Variants in DIS3L2 observed in about 807,000 individuals in gnomAD.
DIS3L2 encodes the protein DIS3 like 3'-5' exoribonuclease 2.
A neutral mutation model predicts 97.5 loss-of-function variants in DIS3L2; 34 were observed. The ratio of observed to expected loss-of-function variants is 0.35; its 90% CI spans 0.27 to 0.46. The LOEUF (loss-of-function observed/expected upper bound fraction) is 0.46. DIS3L2 is among the 20% of genes least tolerant of loss of function. DIS3L2 has a pLI of 1.00. For missense variants in DIS3L2, 1,038 were observed against 1,146.0 expected (o/e 0.91, Z 1.36); for synonymous variants, 435 against 445.2 (o/e 0.98, Z 0.29).
At chr2:232,232,883 C>T (rs764327210) in intron 10 of DIS3L2, among the ~76,000 whole-genome samples, 7 of 152,054 alleles carry the variant, frequency 4.6e-5, no homozygotes, top group Non-Finnish European at 8.8e-5. Context: ...GGGCAGAGCA[C>T]GGAGGCTTGG....
At chr2:232,075,791 A>G (rs1367358418) in intron 5 of DIS3L2, among the ~76,000 whole-genome samples, 1 of 152,188 alleles carries the variant, frequency 6.6e-6, no homozygotes, top group Non-Finnish European at 1.5e-5. Context: ...TTCAGGATGT[A>G]AAGGCTCCCA....
At chr2:232,094,354 T>C (rs1000963849) in intron 6 of DIS3L2, among the ~76,000 whole-genome samples, 2 of 152,198 alleles carry the variant, frequency 1.3e-5, no homozygotes, top group Non-Finnish European at 1.5e-5. Context: ...TAATGCAGAT[T>C]AAGCCAGCTC....
chr2:231,973,202 T>C (rs566565229), intron 1 of DIS3L2, among the ~76,000 whole-genome samples: 9 of 152,330 alleles, frequency 5.9e-5, no homozygotes, highest in Admixed American at 5.9e-4. Context: ...TTTTGCCATA[T>C]AAGGCTATTA....
At chr2:232,043,958 T>G (rs1338672221) in intron 5 of DIS3L2, among the ~76,000 whole-genome samples, 1 of 152,214 alleles carries the variant, frequency 6.6e-6, no homozygotes, top group African/African-American at 2.4e-5. Flanking sequence ...AGCTGTCTTA[T>G]GAATTTAGGC....
At chr2:232,184,792 G>A (rs1440802554) in intron 9 of DIS3L2, among the ~76,000 whole-genome samples, 1 of 152,208 alleles carries the variant, frequency 6.6e-6, no homozygotes, top group East Asian at 1.9e-4. Flanking sequence ...TTGATAATAG[G>A]AAAAGAGGAA....
chr2:232,066,400 G>A (rs1695858335), intron 5 of DIS3L2, among the ~76,000 whole-genome samples: 1 of 151,858 alleles, frequency 6.6e-6, no homozygotes, highest in African/African-American at 2.4e-5. Flanking sequence ...TCTTTTTCCT[G>A]TTAACATGTT....
intron 13 of DIS3L2, chr2:232,343,200 T>A (rs1696152179): frequency 1.4e-6 from 1 of 712,100 alleles, no homozygotes; most frequent in Non-Finnish European, 2.4e-6. Context: ...AAGAGGCTAT[T>A]TCCTGTCACA....
At chr2:232,111,214 C>CAG (rs1559640220) in intron 6 of DIS3L2, 1 of 471,130 alleles carries the variant, frequency 2.1e-6, no homozygotes, top group Non-Finnish European at 4.4e-6. Flanking sequence ...AATTGAGGCT[C>CAG]AGAGAAGTTC....
intron 1 of DIS3L2, among the ~76,000 whole-genome samples, chr2:231,984,251 T>G (rs72985660): frequency 0.018 from 2,786 of 152,138 alleles, 31 homozygotes; most frequent in Non-Finnish European, 0.021. Flanking sequence ...GTTGCTAATT[T>G]TTGTTTAAAC....
intron 12 of DIS3L2, among the ~76,000 whole-genome samples, chr2:232,259,690 C>T (rs115268521): frequency 0.019 from 2,967 of 152,252 alleles, 99 homozygotes; most frequent in African/African-American, 0.068. Flanking sequence ...GCAACTTCGG[C>T]TCGCTGCAAC....
At chr2:232,315,469 G>A (rs1695246164) in intron 14 of DIS3L2, among the ~76,000 whole-genome samples, 1 of 152,254 alleles carries the variant, frequency 6.6e-6, no homozygotes, top group Non-Finnish European at 1.5e-5. Flanking sequence ...GTAACCAGAT[G>A]TGCTTGGCTC....
downstream of DIS3L2, among the ~76,000 whole-genome samples, chr2:232,342,134 CACATAT>C (rs1335199603): frequency 2.0e-5 from 3 of 151,790 alleles, no homozygotes; most frequent in Non-Finnish European, 4.4e-5. Flanking sequence ...TATATATATA[CACATAT>C]ACATATATAC....
chr2:232,296,135 C>T (rs1694720842), intron 13 of DIS3L2, among the ~76,000 whole-genome samples: 1 of 152,190 alleles, frequency 6.6e-6, no homozygotes, highest in Non-Finnish European at 1.5e-5. Flanking sequence ...TTCTCCCAAA[C>T]CTGTTTTTCT....
At chr2:232,102,600 A>C (rs543906933) in intron 6 of DIS3L2, among the ~76,000 whole-genome samples, 1 of 152,254 alleles carries the variant, frequency 6.6e-6, no homozygotes, top group Non-Finnish European at 1.5e-5. Context: ...ACACACGTGC[A>C]TATACAAATC....
chr2:232,266,223 A>G (rs1279771484), intron 13 of DIS3L2, among the ~76,000 whole-genome samples: 1 of 152,226 alleles, frequency 6.6e-6, no homozygotes, highest in Non-Finnish European at 1.5e-5. Context: ...CAGATTATTG[A>G]TAGATAAAGA....
At chr2:232,303,743 C>G (rs560716037) in intron 14 of DIS3L2, among the ~76,000 whole-genome samples, 2 of 152,128 alleles carry the variant, frequency 1.3e-5, no homozygotes, top group Non-Finnish European at 2.9e-5. Flanking sequence ...GATTCAGTAT[C>G]AAAAGCAGGT....
chr2:232,183,523 G>A (rs970940894), intron 9 of DIS3L2, among the ~76,000 whole-genome samples: 2 of 152,202 alleles, frequency 1.3e-5, no homozygotes, highest in African/African-American at 2.4e-5. Flanking sequence ...AAGAGTGTAA[G>A]ACCCTTCTTA....
At chr2:232,251,868 A>G (rs1348757685) in intron 12 of DIS3L2, among the ~76,000 whole-genome samples, 1 of 152,254 alleles carries the variant, frequency 6.6e-6, no homozygotes, top group Admixed American at 6.5e-5. Flanking sequence ...CAGACATACA[A>G]GGCTTCAACA....
At chr2:232,306,082 G>A (rs1273178789) in intron 14 of DIS3L2, among the ~76,000 whole-genome samples, 2 of 152,200 alleles carry the variant, frequency 1.3e-5, no homozygotes, top group African/African-American at 2.4e-5. Context: ...GAGGTTCATA[G>A]GTCCTGCTAG....
Sources: allele counts gnomAD v4.1 joint callset (sites outside exome capture counted in the v4.1 genomes callset), GRCh38; gene constraint gnomAD v4.1.1; transcripts MANE v1.5; gene names NCBI Gene and HGNC (gene_info 2026-07-23, HGNC 2026-07-21).